DLC1: variants seen among roughly 807,000 people sequenced by gnomAD.
DLC1 encodes rho GTPase-activating protein 7.
In DLC1, 54 loss-of-function variants were observed where a neutral mutation model predicts 140.3. That is an observed-to-expected ratio of 0.38 (90% CI 0.31 to 0.48). The LOEUF (loss-of-function observed/expected upper bound fraction) is 0.48, where lower values mean the gene tolerates loss of function less well. Ranked by LOEUF, DLC1 falls within the 20% of genes least tolerant of loss-of-function variation. DLC1 has a pLI of 0.96. For missense variants in DLC1, 2,536 were observed against 1,907.0 expected, an observed-to-expected ratio of 1.33 and a Z score of -6.14; for synonymous variants, 986 against 728.1, an observed-to-expected ratio of 1.35 and a Z score of -5.70.
chr8:13,450,195 T>A (rs952198908), intron 2 of DLC1, among the ~76,000 whole-genome samples: 5 of 151,224 alleles, frequency 3.3e-5, no homozygotes, highest in Non-Finnish European at 5.9e-5. Context: ...GTGGCCTGGG[T>A]GGTAATCACA....
intron 4 of DLC1, among the ~76,000 whole-genome samples, chr8:13,370,728 T>A (rs142443086): frequency 6.6e-6 from 1 of 152,214 alleles, no homozygotes; most frequent in South Asian, 2.1e-4. Flanking sequence ...GCTACGTTCT[T>A]AGGTTTTCTT....
intron 1 of DLC1, among the ~76,000 whole-genome samples, chr8:13,541,454 G>C (rs956597176): frequency 3.9e-5 from 6 of 152,116 alleles, no homozygotes; most frequent in Non-Finnish European, 7.3e-5. Flanking sequence ...CTACATACTG[G>C]AAATACTTTT....
At chr8:13,368,701 A>G (rs1469251736) in intron 4 of DLC1, among the ~76,000 whole-genome samples, 2 of 152,196 alleles carry the variant, frequency 1.3e-5, no homozygotes, top group African/African-American at 2.4e-5. Context: ...TAGGTGAAAG[A>G]GCCCTCACGG....
intron 13 of DLC1, 44 bp downstream of exon 13, chr8:13,092,568 G>A (rs1234131036): frequency 1.9e-6 from 3 of 1,578,658 alleles, no homozygotes; most frequent in Non-Finnish European, 2.6e-6. Flanking sequence ...TAGGAAGAAT[G>A]TAGGCTGCCC....
chr8:13,464,125 AG>A (rs1230228516), intron 2 of DLC1, among the ~76,000 whole-genome samples: 3 of 152,150 alleles, frequency 2.0e-5, no homozygotes, highest in Admixed American at 6.5e-5. Flanking sequence ...GATTTCTTGG[AG>A]GACACAGAGA....
intron 5 of DLC1, among the ~76,000 whole-genome samples, chr8:13,259,512 G>C (rs1271151900): frequency 6.6e-6 from 1 of 152,204 alleles, no homozygotes; most frequent in East Asian, 1.9e-4. Context: ...TGGGGTGTGA[G>C]GAAGAAGAGC....
At chr8:13,489,816 A>G (rs1453742458) in intron 2 of DLC1, among the ~76,000 whole-genome samples, 1 of 152,216 alleles carries the variant, frequency 6.6e-6, no homozygotes, top group East Asian at 1.9e-4. Context: ...TGCTGTGAAT[A>G]TAGATTCTAC....
At chr8:13,335,530 G>A (rs1833781370) in intron 4 of DLC1, among the ~76,000 whole-genome samples, 1 of 152,070 alleles carries the variant, frequency 6.6e-6, no homozygotes. Flanking sequence ...GACAATTAAG[G>A]GAGGGTTCTC....
chr8:13,528,284 T>C (rs1802983704), intron 1 of DLC1, among the ~76,000 whole-genome samples: 2 of 152,140 alleles, frequency 1.3e-5, no homozygotes, highest in Admixed American at 1.3e-4. Context: ...ACACCAACAG[T>C]GTTTTCTTTC....
chr8:13,563,577 C>A (rs558283190), intron 1 of DLC1, among the ~76,000 whole-genome samples: 2 of 152,210 alleles, frequency 1.3e-5, no homozygotes, highest in Admixed American at 6.5e-5. Flanking sequence ...GAACCTTGCA[C>A]AGTGACACTT....
At chr8:13,136,364 G>C (rs957295094) in intron 5 of DLC1, among the ~76,000 whole-genome samples, 1 of 152,030 alleles carries the variant, frequency 6.6e-6, no homozygotes, top group Non-Finnish European at 1.5e-5. Flanking sequence ...TTCCCAGTGT[G>C]TCTTGTTGCC....
chr8:13,585,143 A>G (rs561697528), intron 1 of DLC1, among the ~76,000 whole-genome samples: 17 of 152,370 alleles, frequency 1.1e-4, no homozygotes, highest in African/African-American at 3.8e-4. Context: ...GTGTAATACA[A>G]TGTGGTCAAT....
In DLC1 at chr8:13,200,782, G is replaced by A. The variant is rs185573987; in HGVS notation, c.1349-85125C>T. On this transcript the variant is annotated intron_variant, in intron 5 of 17. Coordinates refer to ENST00000276297, the MANE Select transcript of DLC1 (RefSeq NM_182643.3). ...CAGCTGTTTCAAATTGTTTTTTGTG[G>A]AGATGGGGACTCACTATGCTGCCCA... Among the ~76,000 whole-genome samples, 1,218 of 152,140 alleles carry A rather than the reference G, an allele frequency of 8.0e-3. 7 individuals carry two copies. Among genetic ancestry groups the A allele is most frequent in the Non-Finnish European group, 0.013 (872 of 67,984 alleles).
intron 4 of DLC1, among the ~76,000 whole-genome samples, chr8:13,356,264 T>C (rs1834939528): frequency 1.3e-5 from 2 of 152,142 alleles, no homozygotes; most frequent in African/African-American, 4.8e-5. Flanking sequence ...TGTAACCTTA[T>C]TTAGACTTTT....
intron 2 of DLC1, among the ~76,000 whole-genome samples, chr8:13,437,900 C>T (rs551648033): frequency 7.3e-5 from 11 of 151,504 alleles, no homozygotes; most frequent in Non-Finnish European, 4.4e-5. Flanking sequence ...CTGCTTCAGA[C>T]TAATGGGTCC....
At chr8:13,281,576 A>T (rs1490042572) in intron 5 of DLC1, among the ~76,000 whole-genome samples, 4 of 152,216 alleles carry the variant, frequency 2.6e-5, no homozygotes, top group Non-Finnish European at 1.5e-5. Flanking sequence ...AAATATATAC[A>T]CTGGGGTTCT....
chr8:13,378,286 C>G (rs893365160), intron 4 of DLC1, among the ~76,000 whole-genome samples: 10 of 151,124 alleles, frequency 6.6e-5, no homozygotes, highest in African/African-American at 2.4e-4. Flanking sequence ...TGTCCTATTT[C>G]TCATCAGAGA....
intron 5 of DLC1, among the ~76,000 whole-genome samples, chr8:13,291,633 A>G (rs1410601561): frequency 2.0e-5 from 3 of 152,212 alleles, no homozygotes; most frequent in African/African-American, 7.2e-5. Context: ...AGTGACATGG[A>G]CAGTAATAAA....
chr8:13,414,190 A>T (rs1288910117), intron 2 of DLC1, among the ~76,000 whole-genome samples: 2 of 152,174 alleles, frequency 1.3e-5, no homozygotes, highest in African/African-American at 4.8e-5. Context: ...GGAATTAAAA[A>T]TTTTTTGGTA....
Sources: allele counts gnomAD v4.1 joint callset (sites outside exome capture counted in the v4.1 genomes callset), GRCh38; gene constraint gnomAD v4.1.1; transcripts MANE v1.5; gene names NCBI Gene and HGNC (gene_info 2026-07-23, HGNC 2026-07-21).